CSMD1: variants seen among roughly 807,000 people sequenced by gnomAD.
CSMD1 encodes CUB and sushi domain-containing protein 1.
CSMD1 carries 213 observed loss-of-function variants against 417.5 expected under a neutral mutation model. The ratio of observed to expected loss-of-function variants is 0.51; its 90% CI spans 0.46 to 0.57. CSMD1 has a LOEUF of 0.57. Among genes scored for constraint, CSMD1 ranks in the 20% least tolerant of loss-of-function variants. The pLI, the probability that CSMD1 is intolerant of heterozygous loss-of-function variation, is 0.00. For missense variants in CSMD1, 6,923 were observed against 4,529.7 expected, an observed-to-expected ratio of 1.53 and a Z score of -15.17; for synonymous variants, 2,862 against 1,736.8, an observed-to-expected ratio of 1.65 and a Z score of -16.11.
At chr8:3,253,835 C>A (rs1270813951) in intron 26 of CSMD1, among the ~76,000 whole-genome samples, 2 of 152,108 alleles carry the variant, frequency 1.3e-5, no homozygotes, top group African/African-American at 2.4e-5. Flanking sequence ...TCCAATTTGC[C>A]AGTCTGTGTC....
intron 3 of CSMD1, among the ~76,000 whole-genome samples, chr8:4,075,362 A>T (rs1419936913): frequency 6.6e-6 from 1 of 151,480 alleles, no homozygotes; most frequent in Non-Finnish European, 1.5e-5. Context: ...GAAGTGCTGA[A>T]TTTTTTTTTG....
chr8:4,319,743 G>T, intron 3 of CSMD1, among the ~76,000 whole-genome samples: 1 of 152,206 alleles, frequency 6.6e-6, no homozygotes, highest in African/African-American at 2.4e-5. Context: ...GACTTGCCGG[G>T]GGGCCAAAGG....
At chr8:3,861,842 GC>G (rs1804731724) in intron 5 of CSMD1, among the ~76,000 whole-genome samples, 1 of 152,150 alleles carries the variant, frequency 6.6e-6, no homozygotes, top group African/African-American at 2.4e-5. Flanking sequence ...GAAGCCACTG[GC>G]TTTTAAATGT....
At chr8:4,279,642 T>A (rs148426681) in intron 3 of CSMD1, among the ~76,000 whole-genome samples, 80 of 152,340 alleles carry the variant, frequency 5.3e-4, no homozygotes, top group African/African-American at 1.9e-3. Flanking sequence ...ATGTGGTAAC[T>A]CATTCGAGTA....
chr8:3,261,420 C>T (rs182113910), intron 26 of CSMD1, among the ~76,000 whole-genome samples: 1 of 152,274 alleles, frequency 6.6e-6, no homozygotes, highest in African/African-American at 2.4e-5. Flanking sequence ...GTATATACGG[C>T]TTGGGTGATG....
chr8:4,663,048 G>C (rs962318953), intron 1 of CSMD1, among the ~76,000 whole-genome samples: 1 of 152,174 alleles, frequency 6.6e-6, no homozygotes, highest in Non-Finnish European at 1.5e-5. Context: ...GCCCAGAGCT[G>C]ACTAACATGA....
intron 5 of CSMD1, among the ~76,000 whole-genome samples, chr8:3,903,880 AT>A (rs758884646): frequency 2.3e-4 from 34 of 147,944 alleles, no homozygotes; most frequent in African/African-American, 9.0e-4. Flanking sequence ...ATATATATAT[AT>A]TTTTTTACCT....
At chr8:3,683,426 C>T (rs190107429) in intron 7 of CSMD1, among the ~76,000 whole-genome samples, 72 of 152,170 alleles carry the variant, frequency 4.7e-4, no homozygotes, top group Non-Finnish European at 1.0e-4. Flanking sequence ...TGGTTTGAAA[C>T]TATCTGCCTA....
At chr8:4,858,677 A>C (rs1257944411) in intron 1 of CSMD1, among the ~76,000 whole-genome samples, 1 of 151,344 alleles carries the variant, frequency 6.6e-6, no homozygotes, top group South Asian at 2.1e-4. Context: ...TGCTTCAAAG[A>C]GAATAAAATA....
At chr8:3,787,858 T>C (rs1051694133) in intron 5 of CSMD1, among the ~76,000 whole-genome samples, 55 of 152,204 alleles carry the variant, frequency 3.6e-4, no homozygotes, top group African/African-American at 1.3e-3. Flanking sequence ...AAAAGTTCTA[T>C]CACAAAATAG....
intron 5 of CSMD1, among the ~76,000 whole-genome samples, chr8:3,900,078 C>T (rs1387756949): frequency 4.6e-5 from 7 of 151,736 alleles, no homozygotes; most frequent in African/African-American, 1.7e-4. Context: ...AGCTGGGTGA[C>T]AGTGCAGCTG....
At chr8:4,196,364 G>C (rs377632703) in intron 3 of CSMD1, among the ~76,000 whole-genome samples, 3 of 152,114 alleles carry the variant, frequency 2.0e-5, no homozygotes, top group African/African-American at 7.2e-5. Flanking sequence ...CTTACTTTTA[G>C]TTCTGTAGGT....
At chr8:3,629,417 G>A (rs1256346499) in intron 7 of CSMD1, among the ~76,000 whole-genome samples, 1 of 151,968 alleles carries the variant, frequency 6.6e-6, no homozygotes, top group Non-Finnish European at 1.5e-5. Context: ...TTATATATAA[G>A]GGCTTTCTCC....
chr8:4,345,371 T>C (rs1447299916), intron 3 of CSMD1, among the ~76,000 whole-genome samples: 1 of 152,112 alleles, frequency 6.6e-6, no homozygotes, highest in African/African-American at 2.4e-5. Context: ...GACATGTAAT[T>C]ATACACACTT....
intron 23 of CSMD1, among the ~76,000 whole-genome samples, chr8:3,310,080 G>A (rs1364988740): frequency 6.6e-6 from 1 of 152,172 alleles, no homozygotes; most frequent in Non-Finnish European, 1.5e-5. Flanking sequence ...GCAAAACAAA[G>A]GGATATGCTA....
At chr8:4,808,064 C>A (rs190959195) in intron 1 of CSMD1, among the ~76,000 whole-genome samples, 2 of 152,264 alleles carry the variant, frequency 1.3e-5, no homozygotes, top group East Asian at 3.9e-4. Context: ...AAATAATACT[C>A]GTGTGGGCTC....
intron 52 of CSMD1, among the ~76,000 whole-genome samples, chr8:3,007,785 G>A (rs549600455): frequency 8.4e-6 from 1 of 118,442 alleles, no homozygotes; most frequent in African/African-American, 3.1e-5. Context: ...GTGGGGGGAG[G>A]GGGGAGGGAT....
chr8:4,043,823 C>T (rs1006762105), intron 3 of CSMD1, among the ~76,000 whole-genome samples: 1 of 152,096 alleles, frequency 6.6e-6, no homozygotes, highest in East Asian at 1.9e-4. Context: ...CCAAATGAGG[C>T]ATCATTATTC....
At chr8:4,384,970 G>A (rs1275652052) in intron 3 of CSMD1, among the ~76,000 whole-genome samples, 1 of 152,148 alleles carries the variant, frequency 6.6e-6, no homozygotes, top group Non-Finnish European at 1.5e-5. Flanking sequence ...ACCCAGGATG[G>A]AGTGCAATGG....
Sources: allele counts gnomAD v4.1 joint callset (sites outside exome capture counted in the v4.1 genomes callset), GRCh38; gene constraint gnomAD v4.1.1; transcripts MANE v1.5; gene names NCBI Gene and HGNC (gene_info 2026-07-23, HGNC 2026-07-21).